CDKAL1: variants seen among roughly 807,000 people sequenced by gnomAD.
CDKAL1 encodes CDKAL1 threonylcarbamoyladenosine tRNA methylthiotransferase.
A neutral mutation model predicts 68.2 loss-of-function variants in CDKAL1; 32 were observed. That is an observed-to-expected ratio of 0.47 (90% CI 0.35 to 0.63). CDKAL1 has a LOEUF of 0.63. Among genes scored for constraint, CDKAL1 ranks in the 30% least tolerant of loss-of-function variants. The pLI is 0.00. For synonymous variants in CDKAL1, 234 were observed against 244.3 expected, an observed-to-expected ratio of 0.96 and a Z score of 0.39; for missense variants, 606 against 696.7, an observed-to-expected ratio of 0.87 and a Z score of 1.47.
chr6:21,219,366 G>C lies in CDKAL1; in HGVS notation c.1549-11482G>C, dbSNP rs1779451251. On this transcript the variant is annotated intron_variant, in intron 15 of 15. Coordinates refer to ENST00000274695, the MANE Select transcript of CDKAL1 (RefSeq NM_017774.3). Reference sequence around the variant, plus strand: ...TCATGGATTCAACATAGTATTCAGTGTGTGACAAATTCAAGTTTTGCTTTT... The same window carrying C: ...TCATGGATTCAACATAGTATTCAGTCTGTGACAAATTCAAGTTTTGCTTTT... Among the ~76,000 whole-genome samples, 3 of 152,156 alleles carry C rather than the reference G, an allele frequency of 2.0e-5. No homozygotes were observed. In the South Asian group the frequency reaches 6.2e-4, roughly 32 times the overall value.
chr6:20,910,410 T>C (rs1335499293), intron 9 of CDKAL1, among the ~76,000 whole-genome samples: 1 of 152,170 alleles, frequency 6.6e-6, no homozygotes, highest in Non-Finnish European at 1.5e-5. Context: ...AGGCTGAAAA[T>C]AGTCCATTGT....
intron 4 of CDKAL1, among the ~76,000 whole-genome samples, chr6:20,622,294 C>T (rs530490194): frequency 1.3e-5 from 2 of 151,914 alleles, no homozygotes; most frequent in Non-Finnish European, 2.9e-5. Context: ...GTTTCCCCTA[C>T]CCCAAGGAAA....
chr6:21,049,379 G>A (rs561874139), intron 11 of CDKAL1, among the ~76,000 whole-genome samples: 1 of 152,184 alleles, frequency 6.6e-6, no homozygotes, highest in South Asian at 2.1e-4. Flanking sequence ...TATAATTCAT[G>A]TTACCATAGA....
intron 8 of CDKAL1, among the ~76,000 whole-genome samples, chr6:20,783,977 G>A (rs1216639676): frequency 6.6e-6 from 1 of 152,124 alleles, no homozygotes; most frequent in Non-Finnish European, 1.5e-5. Context: ...CACTTTGGGA[G>A]GCCAAGGTGG....
chr6:20,642,661 C>T (rs1768237052), intron 4 of CDKAL1, among the ~76,000 whole-genome samples: 2 of 152,100 alleles, frequency 1.3e-5, no homozygotes, highest in Non-Finnish European at 2.9e-5. Context: ...AGGCCCTGCT[C>T]ATGGGAGTGC....
intron 5 of CDKAL1, among the ~76,000 whole-genome samples, chr6:20,735,481 A>G (rs1355201033): frequency 6.6e-6 from 1 of 151,950 alleles, no homozygotes. Context: ...TGAGAACAGC[A>G]TGAGGGAAAC....
At chr6:20,936,475 C>T (rs1482813761) in intron 9 of CDKAL1, among the ~76,000 whole-genome samples, 1 of 151,210 alleles carries the variant, frequency 6.6e-6, no homozygotes, top group African/African-American at 2.4e-5. Context: ...TGGTCTCGAT[C>T]TCCTGACCTC....
chr6:20,676,861 A>G (rs1307112948), intron 5 of CDKAL1, among the ~76,000 whole-genome samples: 2 of 152,102 alleles, frequency 1.3e-5, no homozygotes, highest in East Asian at 1.9e-4. Flanking sequence ...ATAATGGCCT[A>G]GGTATATAGT....
chr6:20,670,769 G>A (rs528895103), intron 5 of CDKAL1, among the ~76,000 whole-genome samples: 3 of 152,120 alleles, frequency 2.0e-5, no homozygotes, highest in Admixed American at 1.3e-4. Context: ...ATTTCCTTTT[G>A]TTTTTTACTT....
chr6:21,220,499 G>T (rs905287112), intron 15 of CDKAL1, among the ~76,000 whole-genome samples: 7 of 152,176 alleles, frequency 4.6e-5, no homozygotes, highest in Non-Finnish European at 8.8e-5. Context: ...GGCTTACTTT[G>T]TGGAATTGGA....
intron 2 of CDKAL1, among the ~76,000 whole-genome samples, chr6:20,541,899 ATCTG>A (rs1763403866): frequency 6.6e-6 from 1 of 152,214 alleles, no homozygotes; most frequent in Non-Finnish European, 1.5e-5. Flanking sequence ...ACCTCAGGTG[ATCTG>A]TCCGCCTTGG....
chr6:21,144,280 C>CA (rs1191122360), intron 13 of CDKAL1, among the ~76,000 whole-genome samples: 1 of 152,198 alleles, frequency 6.6e-6, no homozygotes, highest in African/African-American at 2.4e-5. Flanking sequence ...GCCAGCCTCA[C>CA]AGAGTTGTGA....
intron 9 of CDKAL1, among the ~76,000 whole-genome samples, chr6:20,871,636 G>A (rs1040663944): frequency 1.6e-4 from 25 of 151,986 alleles, no homozygotes; most frequent in African/African-American, 6.0e-4. Flanking sequence ...AAATGATTAG[G>A]CCAGAAGGTT....
chr6:21,070,758 G>A (rs988395190), intron 12 of CDKAL1, among the ~76,000 whole-genome samples: 38 of 152,170 alleles, frequency 2.5e-4, no homozygotes, highest in African/African-American at 8.4e-4. Context: ...ACTTTGTTCT[G>A]TGTTTCTGTC....
At chr6:20,959,171 T>C (rs1428390590) in intron 10 of CDKAL1, among the ~76,000 whole-genome samples, 6 of 152,200 alleles carry the variant, frequency 3.9e-5, no homozygotes, top group Non-Finnish European at 5.9e-5. Context: ...TTATCACTCA[T>C]AGGCAGACAA....
At chr6:21,101,849 TC>T (rs540763419) in intron 12 of CDKAL1, among the ~76,000 whole-genome samples, 131 of 152,234 alleles carry the variant, frequency 8.6e-4, no homozygotes, top group South Asian at 1.7e-3. Context: ...CTCTCTGTAC[TC>T]CTATCTAATC....
At chr6:20,776,651 C>T (rs571060503) in intron 7 of CDKAL1, among the ~76,000 whole-genome samples, 4 of 152,188 alleles carry the variant, frequency 2.6e-5, no homozygotes, top group East Asian at 3.9e-4. Context: ...ATGCTTCTGT[C>T]GTGATGGCAT....
chr6:20,713,693 CT>C (rs999893776), intron 5 of CDKAL1, among the ~76,000 whole-genome samples: 26 of 152,022 alleles, frequency 1.7e-4, no homozygotes, highest in African/African-American at 3.1e-4. Context: ...TAAAATTTTT[CT>C]TTTTTTTCTT....
Position 20,973,703 on chromosome 6 carries a change from C to T in CDKAL1, c.909+18118C>T, listed in dbSNP as rs564984745. Among the ~76,000 whole-genome samples, 7 of 152,218 alleles carry T rather than the reference C, an allele frequency of 4.6e-5. No individual in the cohort carries two copies. In the South Asian group the frequency reaches 1.5e-3, roughly 32 times the overall value. Reference sequence around the variant, plus strand: ...CACTGCAACCTCTGCCTCTCGGGTTCAAGTGATCCTCCCACCTCAGCCTCC... The same window carrying T: ...CACTGCAACCTCTGCCTCTCGGGTTTAAGTGATCCTCCCACCTCAGCCTCC... On this transcript the variant is annotated intron_variant, in intron 10 of 15. Transcript: ENST00000274695.
Sources: allele counts gnomAD v4.1 joint callset (sites outside exome capture counted in the v4.1 genomes callset), GRCh38; gene constraint gnomAD v4.1.1; transcripts MANE v1.5; gene names NCBI Gene and HGNC (gene_info 2026-07-23, HGNC 2026-07-21).